The following IMPG1 variants were observed in gnomAD, a reference collection of about 807,000 sequenced individuals.
IMPG1 encodes interphotoreceptor matrix proteoglycan 1, also known as interphotoreceptor matrix proteoglycan of 150 kDa.
Under a neutral mutation model 92.0 loss-of-function variants are expected in IMPG1, and 85 were observed. The observed-to-expected ratio is 0.92, with a 90% CI of 0.78 to 1.11. The LOEUF (loss-of-function observed/expected upper bound fraction) is 1.11, where lower values mean the gene tolerates loss of function less well. Among genes scored for constraint, IMPG1 ranks in the 50% least tolerant of loss-of-function variants. IMPG1 has a pLI of 0.00. For synonymous variants in IMPG1, 367 were observed against 334.1 expected (o/e 1.10, Z -1.08); for missense variants, 1,022 against 956.0 (o/e 1.07, Z -0.91).
chr6:75,993,700 C>G (rs1433726528), intron 12 of IMPG1, among the ~76,000 whole-genome samples: 2 of 152,138 alleles, frequency 1.3e-5, no homozygotes, highest in Admixed American at 1.3e-4. Context: ...TCTCAAAAAA[C>G]GTTCTCAATT....
intron 12 of IMPG1, among the ~76,000 whole-genome samples, chr6:75,992,027 C>G (rs1782820710): frequency 6.6e-6 from 1 of 152,226 alleles, no homozygotes; most frequent in Non-Finnish European, 1.5e-5. Context: ...ACATTTAAAT[C>G]AGTGGACTCT....
chr6:76,034,151 T>A (rs1304212412), intron 4 of IMPG1, among the ~76,000 whole-genome samples, 164 bp downstream of exon 4: 1 of 152,232 alleles, frequency 6.6e-6, no homozygotes, highest in Non-Finnish European at 1.5e-5. Context: ...ATGTACTGAT[T>A]TATCTTCAGT....
chr6:75,934,838 G>A (rs1436472298), intron 14 of IMPG1: 2 of 407,718 alleles, frequency 4.9e-6, no homozygotes, highest in Non-Finnish European at 1.1e-5. Context: ...CTTGCCGCAT[G>A]TCCTACTGGC....
At chr6:75,964,218 C>T (rs994945767) in intron 12 of IMPG1, among the ~76,000 whole-genome samples, 2 of 152,124 alleles carry the variant, frequency 1.3e-5, no homozygotes, top group Non-Finnish European at 2.9e-5. Flanking sequence ...GAAGAGAAGG[C>T]TAATCGGGAA....
chr6:76,027,369 A>G (rs2149485589), intron 4 of IMPG1, among the ~76,000 whole-genome samples: 1 of 152,366 alleles, frequency 6.6e-6, no homozygotes, highest in African/African-American at 2.4e-5. Flanking sequence ...GGCTGCAGTC[A>G]GCACACAATT....
chr6:76,025,931 G>A (rs1783520201), intron 4 of IMPG1, among the ~76,000 whole-genome samples: 1 of 152,180 alleles, frequency 6.6e-6, no homozygotes, highest in Non-Finnish European at 1.5e-5. Flanking sequence ...TACTTAGAAA[G>A]GAGTAGTGGT....
intron 12 of IMPG1, among the ~76,000 whole-genome samples, chr6:75,965,832 C>T (rs1582071671): frequency 6.6e-6 from 1 of 152,112 alleles, no homozygotes. Flanking sequence ...TGGTCTCGAT[C>T]TCCTGACCTT....
intron 1 of IMPG1, among the ~76,000 whole-genome samples, chr6:76,067,317 A>G (rs1784326776): frequency 6.6e-6 from 1 of 152,108 alleles, no homozygotes; most frequent in Non-Finnish European, 1.5e-5. Flanking sequence ...AAAAGCAAGA[A>G]AATTCATATA....
intron 12 of IMPG1, among the ~76,000 whole-genome samples, chr6:75,966,301 T>C (rs1203031475): frequency 6.6e-6 from 1 of 152,212 alleles, no homozygotes; most frequent in Non-Finnish European, 1.5e-5. Context: ...AAATATGTAC[T>C]GTTATTTGAA....
In IMPG1 at chr6:76,018,978, CA is replaced by C. The variant is rs1783366412; in HGVS notation, c.667-121del. On this transcript the variant is annotated intron_variant, in intron 6 of 16. Transcript: ENST00000369950. ...GGATTATGAAGGCTTAAGTGTTTTG[CA>C]ATCAAAATCCTTTTAACTAGAACTT... 4.4e-6 allele frequency: 4 copies of C among 900,490 alleles called. No individual in the cohort carries two copies. In the South Asian group the frequency reaches 9.5e-5, roughly 21 times the overall value. The allele number at this position is 900,490 out of a possible 1,614,324, so 55.8% of individuals were successfully genotyped here.
At chr6:76,070,782 T>C (rs1316654421) in intron 1 of IMPG1, among the ~76,000 whole-genome samples, 1 of 151,722 alleles carries the variant, frequency 6.6e-6, no homozygotes, top group Non-Finnish European at 1.5e-5. Context: ...AAGAAAGACA[T>C]AGAGAGTGGA....
intron 14 of IMPG1, among the ~76,000 whole-genome samples, chr6:75,947,011 T>G (rs1781938069): frequency 6.6e-6 from 1 of 151,948 alleles, no homozygotes; most frequent in Admixed American, 6.6e-5. Flanking sequence ...TGGGCTACAT[T>G]AAAAAAAACT....
intron 2 of IMPG1, among the ~76,000 whole-genome samples, chr6:76,038,077 G>A (rs1232749159): frequency 6.6e-6 from 1 of 152,146 alleles, no homozygotes; most frequent in Admixed American, 6.5e-5. Flanking sequence ...CATTTTCCTG[G>A]GTGCTATGTA....
At chr6:75,941,783 T>C (rs544926544) in intron 14 of IMPG1, among the ~76,000 whole-genome samples, 1 of 152,354 alleles carries the variant, frequency 6.6e-6, no homozygotes, top group Admixed American at 6.5e-5. Context: ...AAATTCCAAT[T>C]TTTCATATTC....
chr6:75,959,766 G>A (rs1322898909), intron 12 of IMPG1, among the ~76,000 whole-genome samples: 1 of 152,224 alleles, frequency 6.6e-6, no homozygotes, highest in Non-Finnish European at 1.5e-5. Flanking sequence ...CTGGCAGTGA[G>A]AATTTCAAGC....
intron 4 of IMPG1, among the ~76,000 whole-genome samples, chr6:76,029,223 G>A (rs752372554): frequency 6.6e-6 from 1 of 152,196 alleles, no homozygotes; most frequent in African/African-American, 2.4e-5. Flanking sequence ...AAGAGGAGGG[G>A]ATCACCCAAC....
chr6:76,064,370 C>CT (rs10706748), intron 1 of IMPG1, among the ~76,000 whole-genome samples: 3,715 of 130,464 alleles, frequency 0.028, 69 homozygotes, highest in Non-Finnish European at 0.037. Context: ...ATTTTTTTTT[C>CT]TTTTTTTTTT....
chr6:76,024,854 A>G (rs1360037667), intron 5 of IMPG1: 1 of 392,970 alleles, frequency 2.5e-6, no homozygotes, highest in East Asian at 7.6e-5. Flanking sequence ...CCTTTACATC[A>G]GGTTAAGTGG....
At chr6:75,961,045 C>T (rs60128058) in intron 12 of IMPG1, among the ~76,000 whole-genome samples, 343 of 152,304 alleles carry the variant, frequency 2.3e-3, no homozygotes, top group African/African-American at 7.8e-3. Flanking sequence ...AACTCAGGTC[C>T]ATCTGAAGCC....
Sources: allele counts gnomAD v4.1 joint callset (sites outside exome capture counted in the v4.1 genomes callset), GRCh38; gene constraint gnomAD v4.1.1; transcripts MANE v1.5; gene names NCBI Gene and HGNC (gene_info 2026-07-23, HGNC 2026-07-21).